The following RAPGEF4 variants were observed in gnomAD, a reference collection of about 807,000 sequenced individuals.
RAPGEF4 encodes the protein Rap guanine nucleotide exchange factor 4.
A neutral mutation model predicts 147.9 loss-of-function variants in RAPGEF4; 66 were observed. The ratio of observed to expected loss-of-function variants is 0.45; its 90% CI spans 0.37 to 0.55. The LOEUF (loss-of-function observed/expected upper bound fraction) is 0.55, where lower values mean the gene tolerates loss of function less well. RAPGEF4 is among the 20% of genes least tolerant of loss of function. The pLI is 0.00. For synonymous variants in RAPGEF4, 419 were observed against 442.7 expected (o/e 0.95, Z 0.67); for missense variants, 1,071 against 1,257.3 (o/e 0.85, Z 2.24).
At chr2:172,822,250 A>G (rs1337903154) in intron 4 of RAPGEF4, among the ~76,000 whole-genome samples, 1 of 152,248 alleles carries the variant, frequency 6.6e-6, no homozygotes, top group Non-Finnish European at 1.5e-5. Flanking sequence ...TAGAAGATAA[A>G]TAAAAGTAGT....
At chr2:172,970,547 T>C (rs761145225) in intron 10 of RAPGEF4, among the ~76,000 whole-genome samples, 7 of 152,176 alleles carry the variant, frequency 4.6e-5, no homozygotes, top group Non-Finnish European at 7.3e-5. Flanking sequence ...TATTCTTTGA[T>C]GAGAAGATTA....
chr2:172,951,016 GA>G (rs1688158140), intron 6 of RAPGEF4, among the ~76,000 whole-genome samples: 2 of 152,210 alleles, frequency 1.3e-5, no homozygotes, highest in Non-Finnish European at 2.9e-5. Context: ...TAACATCTCA[GA>G]CCAACATAAC....
At chr2:172,774,426 A>T (rs888452767) in intron 1 of RAPGEF4, among the ~76,000 whole-genome samples, 1 of 152,142 alleles carries the variant, frequency 6.6e-6, no homozygotes, top group African/African-American at 2.4e-5. Flanking sequence ...ACTCCAAACC[A>T]TTGGAACTAC....
chr2:172,986,193 C>A (rs1692230935), intron 12 of RAPGEF4, among the ~76,000 whole-genome samples: 1 of 152,230 alleles, frequency 6.6e-6, no homozygotes, highest in Admixed American at 6.5e-5. Flanking sequence ...ATCTCTCTTG[C>A]AGAATCACAG....
At chr2:172,841,764 A>T (rs142359701) in intron 4 of RAPGEF4, among the ~76,000 whole-genome samples, 1 of 151,358 alleles carries the variant, frequency 6.6e-6, no homozygotes, top group Non-Finnish European at 1.5e-5. Context: ...CCCCAAACAG[A>T]CATCCAAATC....
intron 1 of RAPGEF4, among the ~76,000 whole-genome samples, chr2:172,758,479 G>T (rs947254021): frequency 6.6e-6 from 1 of 152,188 alleles, no homozygotes; most frequent in African/African-American, 2.4e-5. Context: ...GGGGAAGGGG[G>T]ACAATGGTGG....
At chr2:172,785,836 A>G (rs1321541843) in intron 1 of RAPGEF4, among the ~76,000 whole-genome samples, 1 of 151,610 alleles carries the variant, frequency 6.6e-6, no homozygotes, top group African/African-American at 2.4e-5. Context: ...TGCACCCCTC[A>G]TGTGTGTTGG....
At chr2:172,994,830 G>T (rs1693165726) in intron 15 of RAPGEF4, among the ~76,000 whole-genome samples, 1 of 152,046 alleles carries the variant, frequency 6.6e-6, no homozygotes, top group African/African-American at 2.4e-5. Flanking sequence ...TTGAGAAAGG[G>T]GTCAGACTTT....
chr2:172,912,357 T>C (rs2150010504), intron 4 of RAPGEF4, among the ~76,000 whole-genome samples: 1 of 152,344 alleles, frequency 6.6e-6, no homozygotes, highest in African/African-American at 2.4e-5. Context: ...TTGAACCTTT[T>C]TGTGGTTACT....
chr2:172,748,054 A>G (rs193076630), intron 1 of RAPGEF4, among the ~76,000 whole-genome samples: 2 of 152,190 alleles, frequency 1.3e-5, no homozygotes, highest in East Asian at 3.9e-4. Flanking sequence ...TATACACCAC[A>G]TTTTCTTTTT....
chr2:172,888,332 ATG>A (rs1242387838), intron 4 of RAPGEF4, among the ~76,000 whole-genome samples: 6 of 152,358 alleles, frequency 3.9e-5, no homozygotes, highest in African/African-American at 1.4e-4. Flanking sequence ...GGGGAACATG[ATG>A]CCCAGCTCTC....
intron 17 of RAPGEF4, among the ~76,000 whole-genome samples, chr2:173,004,571 T>A (rs144135459): frequency 0.015 from 2,281 of 152,182 alleles, 22 homozygotes; most frequent in Non-Finnish European, 0.023. Context: ...AATAATTTTG[T>A]ATACCTTTTA....
At chr2:172,845,602 T>A (rs983845759) in intron 4 of RAPGEF4, among the ~76,000 whole-genome samples, 1 of 152,124 alleles carries the variant, frequency 6.6e-6, no homozygotes, top group Non-Finnish European at 1.5e-5. Context: ...GGGAATGGAA[T>A]TGGCAGATGG....
rs144275853 is a variant in RAPGEF4 at position 172,894,874 on chromosome 2, C to T, written c.445-22928C>T. Among the ~76,000 whole-genome samples, 510 of 152,264 alleles carry T rather than the reference C, an allele frequency of 3.3e-3. 3 individuals are homozygous for T. The highest frequency in any genetic ancestry group is 0.011 in the African/African-American group (474 of 41,554). ...ATGCATACTCTATTTTGGCCTTTAA[C>T]TTGGGCAGTGAACATTGCGTAGTAA... is the stretch of plus-strand genomic sequence containing the variant. On this transcript the variant is annotated intron_variant, in intron 4 of 30. Transcript: ENST00000397081.
chr2:172,776,046 A>G (rs1454499995), intron 1 of RAPGEF4, among the ~76,000 whole-genome samples: 2 of 152,198 alleles, frequency 1.3e-5, no homozygotes, highest in Non-Finnish European at 1.5e-5. Flanking sequence ...TAAGATATTC[A>G]TATTCTTAGC....
intron 4 of RAPGEF4, among the ~76,000 whole-genome samples, chr2:172,911,044 G>A (rs561969874): frequency 3.9e-5 from 6 of 152,274 alleles, no homozygotes; most frequent in Admixed American, 6.5e-5. Flanking sequence ...GTCTGGCCAC[G>A]ACAGTTCACA....
At chr2:172,785,270 T>C (rs1685089063) in intron 1 of RAPGEF4, among the ~76,000 whole-genome samples, 1 of 152,366 alleles carries the variant, frequency 6.6e-6, no homozygotes, top group East Asian at 1.9e-4. Flanking sequence ...TTAACTGTTG[T>C]TATAGAGAAA....
At chr2:172,987,434 C>CT (rs1308613530) in intron 12 of RAPGEF4, among the ~76,000 whole-genome samples, 1 of 152,178 alleles carries the variant, frequency 6.6e-6, no homozygotes, top group Non-Finnish European at 1.5e-5. Flanking sequence ...TTCTAACTCA[C>CT]TTTTTTAAAA....
intron 22 of RAPGEF4, among the ~76,000 whole-genome samples, chr2:173,019,626 T>TGA (rs1343108332): frequency 6.6e-6 from 1 of 152,336 alleles, no homozygotes; most frequent in East Asian, 1.9e-4. Flanking sequence ...TTAAGGTGAA[T>TGA]GATTCCACTG....
Sources: gnomAD v4.1 joint callset for allele counts (sites outside exome capture counted in the v4.1 genomes callset) on GRCh38, gnomAD v4.1.1 for gene constraint, MANE v1.5 for transcripts, NCBI Gene and HGNC (gene_info 2026-07-23, HGNC 2026-07-21) for gene names.